PKHD1: variants seen among roughly 807,000 people sequenced by gnomAD.
The protein encoded by PKHD1 is fibrocystin.
Under a neutral mutation model 412.0 loss-of-function variants are expected in PKHD1, and 291 were observed. The observed-to-expected ratio is 0.71, with a 90% CI of 0.64 to 0.78. PKHD1 has a LOEUF of 0.78. PKHD1 is among the 30% of genes least tolerant of loss of function. PKHD1 has a pLI of 0.00. For synonymous variants in PKHD1, 1,777 were observed against 1,821.5 expected, an observed-to-expected ratio of 0.98 and a Z score of 0.62; for missense variants, 4,825 against 4,950.7, an observed-to-expected ratio of 0.97 and a Z score of 0.76.
At chr6:51,930,395 G>A (rs1476601490) in intron 37 of PKHD1, among the ~76,000 whole-genome samples, 1 of 152,138 alleles carries the variant, frequency 6.6e-6, no homozygotes, top group African/African-American at 2.4e-5. Context: ...TATATGTGCA[G>A]CTGTGTGTAT....
intron 52 of PKHD1, among the ~76,000 whole-genome samples, chr6:51,809,818 A>C (rs559390647): frequency 6.6e-6 from 1 of 151,576 alleles, no homozygotes; most frequent in Admixed American, 6.6e-5. Flanking sequence ...TGTTCCTTGC[A>C]TGCTAGTATT....
At chr6:51,709,698 A>G (rs977197530) in intron 60 of PKHD1, among the ~76,000 whole-genome samples, 3 of 152,246 alleles carry the variant, frequency 2.0e-5, no homozygotes, top group African/African-American at 4.8e-5. Flanking sequence ...AGGTTTTCCT[A>G]TGATTTTTAA....
intron 34 of PKHD1, among the ~76,000 whole-genome samples, chr6:52,017,206 T>C (rs2128129640): frequency 6.6e-6 from 1 of 152,356 alleles, no homozygotes; most frequent in South Asian, 2.1e-4. Flanking sequence ...TTTTCAGATG[T>C]TCTCTTAAAC....
At chr6:51,732,622 A>G (rs1039772814) in intron 60 of PKHD1, among the ~76,000 whole-genome samples, 2 of 152,236 alleles carry the variant, frequency 1.3e-5, no homozygotes, top group African/African-American at 4.8e-5. Context: ...TAAAATGGTT[A>G]CTATCAAAGT....
At chr6:51,908,399 C>T (rs1782451438) in intron 40 of PKHD1, among the ~76,000 whole-genome samples, 1 of 152,088 alleles carries the variant, frequency 6.6e-6, no homozygotes, top group Non-Finnish European at 1.5e-5. Flanking sequence ...AGGCATCAAC[C>T]TCTGAACCCC....
intron 61 of PKHD1, among the ~76,000 whole-genome samples, chr6:51,652,327 G>A (rs1450317955): frequency 6.6e-6 from 1 of 152,042 alleles, no homozygotes; most frequent in African/African-American, 2.4e-5. Context: ...TGTTTACCCT[G>A]TAGAAGATGG....
intron 25 of PKHD1, 25 bp downstream of exon 25, chr6:52,044,941 C>T (rs772279918): frequency 8.7e-6 from 14 of 1,612,872 alleles, no homozygotes; most frequent in Non-Finnish European, 1.2e-5. Flanking sequence ...GGAGCTTGCA[C>T]TTAGGGTGGC....
chr6:52,016,953 C>T (rs1415539464), intron 34 of PKHD1, among the ~76,000 whole-genome samples: 2 of 152,174 alleles, frequency 1.3e-5, no homozygotes, highest in Non-Finnish European at 2.9e-5. Flanking sequence ...TACAGTAATT[C>T]CGCCTATGCA....
intron 25 of PKHD1, 66 bp downstream of exon 25, chr6:52,044,900 A>G (rs1295411095): frequency 4.4e-6 from 7 of 1,582,508 alleles, no homozygotes; most frequent in Middle Eastern, 1.7e-4. Flanking sequence ...CCATGTTACA[A>G]ATCAGTGAGG....
rs1341129382 is a variant in PKHD1, at chr6:51,665,604, T to G, written c.10157-5635A>C. On this transcript the variant is annotated intron_variant, in intron 60 of 66. Coordinates refer to ENST00000371117, the MANE Select transcript of PKHD1 (RefSeq NM_138694.4). Reference sequence around the variant, plus strand: ...AGCTGAAAAGTAGGTTCTTTTATCTTTAATGTTATTGGAATAAACCAGTCT... The same window carrying G: ...AGCTGAAAAGTAGGTTCTTTTATCTGTAATGTTATTGGAATAAACCAGTCT... Among the ~76,000 whole-genome samples, 9 of 152,144 alleles carry G rather than the reference T, an allele frequency of 5.9e-5. 1 individual carries two copies. In the East Asian group the frequency reaches 1.7e-3, roughly 29 times the overall value.
intron 45 of PKHD1, among the ~76,000 whole-genome samples, chr6:51,885,328 AAAGT>A (rs1182392528): frequency 1.3e-5 from 2 of 152,224 alleles, no homozygotes; most frequent in African/African-American, 4.8e-5. Flanking sequence ...TATTTCTTCT[AAAGT>A]AAGAGTGGTA....
chr6:51,625,374 T>A (rs945675181), intron 66 of PKHD1, among the ~76,000 whole-genome samples: 2 of 152,210 alleles, frequency 1.3e-5, no homozygotes, highest in African/African-American at 2.4e-5. Context: ...CTGGTAATAA[T>A]TTCCAAAGAA....
intron 12 of PKHD1, among the ~76,000 whole-genome samples, chr6:52,065,677 A>G (rs1396066248): frequency 6.6e-6 from 1 of 152,184 alleles, no homozygotes; most frequent in Non-Finnish European, 1.5e-5. Flanking sequence ...TTTTTAGTAG[A>G]AGTAAACCTT....
intron 40 of PKHD1, among the ~76,000 whole-genome samples, chr6:51,907,566 A>T (rs1188981762): frequency 6.6e-6 from 1 of 152,208 alleles, no homozygotes; most frequent in Non-Finnish European, 1.5e-5. Flanking sequence ...TACTGGGATT[A>T]GTGAACCTTT....
chr6:51,799,043 CACAG>C (rs1253738180), intron 52 of PKHD1, among the ~76,000 whole-genome samples: 6 of 152,126 alleles, frequency 3.9e-5, no homozygotes, highest in Admixed American at 2.0e-4. Flanking sequence ...TCCCATGAAT[CACAG>C]ACAGACTATT....
At chr6:51,763,724 C>T (rs1008886750) in intron 55 of PKHD1, among the ~76,000 whole-genome samples, 1 of 152,010 alleles carries the variant, frequency 6.6e-6, no homozygotes, top group Non-Finnish European at 1.5e-5. Flanking sequence ...TATCTCCTGC[C>T]TTTAAATCTG....
In PKHD1 at chr6:52,084,919, C is replaced by A. The variant is rs1812540624; in HGVS notation, c.15G>T (p.Leu5=). Residue 5 remains leucine (L), a synonymous_variant, in exon 2 of 67, where the codon CTG becomes CTT. Coordinates refer to ENST00000371117, the MANE Select transcript of PKHD1 (RefSeq NM_138694.4). Reference sequence around the variant, plus strand: ...GTACTTCAATACTCATCAGAGAGATCAGCCAGGCAGTCATTCTGTCCACTT... The same window carrying A: ...GTACTTCAATACTCATCAGAGAGATAAGCCAGGCAGTCATTCTGTCCACTT... The part of the protein sequence containing the change: MTAW[L]ISLMSIEVLL... 3.0e-5 allele frequency: 48 copies of A among 1,606,270 alleles called. No homozygotes were observed. Among genetic ancestry groups the A allele is most frequent in the Non-Finnish European group, 4.0e-5 (47 of 1,172,908 alleles).
intron 43 of PKHD1, among the ~76,000 whole-genome samples, chr6:51,896,222 GACAA>G (rs547955542): frequency 0.079 from 12,078 of 151,990 alleles, 811 homozygotes; most frequent in African/African-American, 0.18. Flanking sequence ...GCAGGGCACA[GACAA>G]ACAGACAACA....
chr6:51,968,146 A>C (rs567214974), intron 35 of PKHD1, among the ~76,000 whole-genome samples: 1 of 152,322 alleles, frequency 6.6e-6, no homozygotes, highest in African/African-American at 2.4e-5. Flanking sequence ...ATTTTAAAAT[A>C]AAAGTATTCA....
Sources: allele counts gnomAD v4.1 joint callset (sites outside exome capture counted in the v4.1 genomes callset), GRCh38; gene constraint gnomAD v4.1.1; transcripts MANE v1.5; gene names NCBI Gene and HGNC (gene_info 2026-07-23, HGNC 2026-07-21).